EML5: variants seen among roughly 807,000 people sequenced by gnomAD.
EML5 encodes EMAP like 5.
A neutral mutation model predicts 250.0 loss-of-function variants in EML5; 120 were observed. That is an observed-to-expected ratio of 0.48 (90% CI 0.41 to 0.56). The LOEUF is 0.56. Ranked by LOEUF, EML5 falls within the 20% of genes least tolerant of loss-of-function variation. The probability of loss-of-function intolerance (pLI) is 0.00; values close to 1 mark genes in which losing one functional copy is unlikely to be tolerated. For missense variants in EML5, 2,006 were observed against 2,437.6 expected (o/e 0.82, Z 3.73); for synonymous variants, 771 against 806.5 (o/e 0.96, Z 0.75).
intron 20 of EML5, among the ~76,000 whole-genome samples, chr14:88,683,030 A>G (rs770755944): frequency 1.4e-5 from 2 of 138,634 alleles, no homozygotes; most frequent in Non-Finnish European, 3.2e-5. Context: ...TTTACAGCAG[A>G]GTGTGAAAAA....
chr14:88,745,992 C>T (rs769213257), intron 3 of EML5, among the ~76,000 whole-genome samples, 193 bp downstream of exon 3: 2 of 152,060 alleles, frequency 1.3e-5, no homozygotes, highest in Non-Finnish European at 2.9e-5. Flanking sequence ...ATCATGTTTC[C>T]AAGTCCTACA....
chr14:88,646,054 C>T (rs1262696764), intron 29 of EML5, among the ~76,000 whole-genome samples: 1 of 152,120 alleles, frequency 6.6e-6, no homozygotes, highest in Non-Finnish European at 1.5e-5. Context: ...ATCAATCATG[C>T]ACCAATCCCT....
At chr14:88,789,069 TAAA>T (rs879877223) in intron 1 of EML5, among the ~76,000 whole-genome samples, 2 of 137,592 alleles carry the variant, frequency 1.5e-5, no homozygotes, top group Non-Finnish European at 1.6e-5. Context: ...TGTCTCAGTT[TAAA>T]AAAAAAAAAA....
At chr14:88,616,325 A>C in intron 42 of EML5, 83 bp from the exon 43 acceptor site, 18 of 1,336,922 alleles carry the variant, frequency 1.3e-5, no homozygotes, top group Non-Finnish European at 1.7e-5. Flanking sequence ...AATCTCTATG[A>C]CAAGAGCTGT....
intron 7 of EML5, among the ~76,000 whole-genome samples, chr14:88,728,245 T>C (rs2093696940): frequency 6.6e-6 from 1 of 151,928 alleles, no homozygotes; most frequent in South Asian, 2.1e-4. Flanking sequence ...GTATAACAAC[T>C]ATTTACACGG....
In EML5 at chr14:88,658,364, A is replaced by G. The variant is rs1169834263; in HGVS notation, c.3700T>C (p.Tyr1234His). Reference sequence around the variant, plus strand: ...GTGACATGTGTACTATGGGCCACATACCTCTTAAACTTTCCAAATTTCCCC... The same window carrying G: ...GTGACATGTGTACTATGGGCCACATGCCTCTTAAACTTTCCAAATTTCCCC... ...TKGKFGKFKR[Y>H]VAHSTHVTNV... The change falls in exon 26 of 44, where the codon TAT becomes CAT. Residue 1234 changes from tyrosine to histidine, a missense_variant. Transcript: ENST00000554922. The G allele has an allele frequency of 1.2e-6, 2 of 1,600,276 alleles. No homozygotes were observed. The highest frequency in any genetic ancestry group is 1.7e-6 in the Non-Finnish European group (2 of 1,173,524).
intron 33 of EML5, among the ~76,000 whole-genome samples, chr14:88,633,329 A>T (rs533506672): frequency 6.6e-6 from 1 of 152,166 alleles, no homozygotes; most frequent in Non-Finnish European, 1.5e-5. Context: ...GCTGTTGCCC[A>T]GGCTGGACTT....
In EML5 at chr14:88,615,860, A is replaced by G. The variant is rs1464441607; in HGVS notation, c.5898-6T>C. The stretch of plus-strand genomic sequence containing the variant: ...CACATTTCCAGACAAATAAGCTGCA[A>G]TCAGAGAAGAAAATTGCAGGGAGTT... On this transcript the variant is annotated splice_region_variant and splice_polypyrimidine_tract_variant and intron_variant, in intron 43 of 43. Coordinates refer to ENST00000554922, the MANE Select transcript of EML5 (RefSeq NM_183387.3). 10 of 1,610,456 alleles carry G rather than the reference A, an allele frequency of 6.2e-6. No homozygotes were observed. Among genetic ancestry groups the G allele is most frequent in the East Asian group, 4.5e-5 (2 of 44,850 alleles).
At chr14:88,657,648 G>A (rs1334422751) in intron 26 of EML5, 146 bp from the exon 27 acceptor site, 5 of 666,512 alleles carry the variant, frequency 7.5e-6, no homozygotes, top group South Asian at 3.4e-5. Context: ...CAGAAAAAAC[G>A]ATGTAGAAGA....
At chr14:88,686,187 C>T (rs2092827691) in intron 19 of EML5, among the ~76,000 whole-genome samples, 1 of 151,804 alleles carries the variant, frequency 6.6e-6, no homozygotes, top group Non-Finnish European at 1.5e-5. Flanking sequence ...TGTCAAGTAA[C>T]TGGAGGGGGC....
At chr14:88,687,407 T>G in intron 18 of EML5, 80 bp from the exon 19 acceptor site, 1 of 1,009,824 alleles carries the variant, frequency 9.9e-7, no homozygotes, top group Non-Finnish European at 1.4e-6. Context: ...TATTGAAAAC[T>G]TCTAGAAAAA....
rs2087408838 is a variant in EML5, at chr14:88,615,224, GAA to G, written c.*592_*593del. The stretch of plus-strand genomic sequence containing the variant: ...GTTCCTGAATTCAAAACTACTAGGA[GAA>G]AAGTGTCCTTTATAAAAAAGGACCT... On this transcript the variant is annotated 3_prime_UTR_variant, in exon 44 of 44. Coordinates refer to ENST00000554922, the MANE Select transcript of EML5 (RefSeq NM_183387.3). 6.6e-6 allele frequency: 1 copy of G among 152,132 alleles called. No individual in the cohort carries two copies. The highest frequency in any genetic ancestry group is 2.4e-5 in the African/African-American group (1 of 41,428). 9.4% of individuals were successfully genotyped at this position (152,132 alleles called of 1,614,324 possible). A position where few individuals can be genotyped will look rare whatever the true frequency, so the allele number is the denominator to read the frequency against.
At chr14:88,647,687 C>CAAAAAAAAAAAAAAAAAA (rs34191990) in intron 28 of EML5, among the ~76,000 whole-genome samples, 34 of 48,756 alleles carry the variant, frequency 7.0e-4, no homozygotes, top group African/African-American at 2.4e-3. Flanking sequence ...GAGACCGTCT[C>CAAAAAAAAAAAAAAAAAA]AAAAAAAAAA....
Position 88,695,414 on chromosome 14 carries a change from G to A in EML5, c.2385C>T (p.Ser795=). The change falls in exon 16 of 44, where the codon AGC becomes AGT. Residue 795 remains serine, a synonymous_variant. Transcript: ENST00000554922. The part of the protein sequence containing the change: ...KRLASVGIDD[S]HTVVLWDWKK... ...TCCAGTCCCAGAGCACAACAGTATGGCTATCATCTATGCCAACTGATGCCA... is the reference window on the plus strand; with the variant it reads ...TCCAGTCCCAGAGCACAACAGTATGACTATCATCTATGCCAACTGATGCCA... 1 of 1,612,486 alleles carries A rather than the reference G, an allele frequency of 6.2e-7. No homozygotes were observed. The highest frequency in any genetic ancestry group is 1.1e-5 in the South Asian group (1 of 90,706).
chr14:88,709,277 C>G (rs931422646), intron 10 of EML5, among the ~76,000 whole-genome samples: 2 of 151,892 alleles, frequency 1.3e-5, no homozygotes, highest in African/African-American at 4.8e-5. Context: ...AAATTAAGAA[C>G]TGGCCAAGAA....
chr14:88,792,521 C>A lies in EML5; in HGVS notation c.-18G>T. On this transcript the variant is annotated 5_prime_UTR_variant, in exon 1 of 44. Transcript: ENST00000554922. The surrounding 1 kb of genome is among the most constrained non-coding windows in gnomAD (Gnocchi z 6.9). ...GCCGCCATGTCGGGGCGCCCACCCGCCGCTCCCGCTCGGGCCCGCGGCGGC... is the reference window on the plus strand; with the variant it reads ...GCCGCCATGTCGGGGCGCCCACCCGACGCTCCCGCTCGGGCCCGCGGCGGC... The A allele has an allele frequency of 1.5e-6, 2 of 1,336,042 alleles. No individual in the cohort carries two copies. Among genetic ancestry groups the A allele is most frequent in the South Asian group, 2.0e-5 (1 of 48,984 alleles). The allele number at this position is 1,336,042 out of a possible 1,614,324, so 82.8% of individuals were successfully genotyped here. A position where few individuals can be genotyped will look rare whatever the true frequency, so the allele number is the denominator to read the frequency against.
intron 7 of EML5, among the ~76,000 whole-genome samples, chr14:88,729,650 C>T (rs910510253): frequency 2.0e-5 from 3 of 152,076 alleles, no homozygotes; most frequent in Non-Finnish European, 4.4e-5. Flanking sequence ...ACCTCCGCCT[C>T]CCAGGTTCAA....
intron 2 of EML5, among the ~76,000 whole-genome samples, chr14:88,747,905 A>T (rs753169915): frequency 3.3e-5 from 5 of 152,174 alleles, no homozygotes; most frequent in Non-Finnish European, 5.9e-5. Context: ...CCTGCCATAA[A>T]CAGCTAGAAA....
chr14:88,792,240 G>T lies in EML5; in HGVS notation c.197+67C>A. 6.6e-7 allele frequency: 1 copy of T among 1,521,010 alleles called. No homozygotes were observed. Among genetic ancestry groups the T allele is most frequent in the Non-Finnish European group, 8.8e-7 (1 of 1,134,470 alleles). 94.2% of individuals were successfully genotyped at this position (1,521,010 alleles called of 1,614,324 possible). ...GCAGGAGCGGTCACGGCGTCCAGAG[G>T]AACCCGCGGGTGCAAACTCCGGGAG... On this transcript the variant is annotated intron_variant, in intron 1 of 43. Coordinates refer to ENST00000554922, the MANE Select transcript of EML5 (RefSeq NM_183387.3). The surrounding 1 kb of genome is among the most constrained non-coding windows in gnomAD (Gnocchi z 6.9).
Sources: gnomAD v4.1 joint callset for allele counts (sites outside exome capture counted in the v4.1 genomes callset) on GRCh38, gnomAD v4.1.1 for gene constraint, Gnocchi (gnomAD v3.1) non-coding constraint, MANE v1.5 for transcripts, NCBI Gene and HGNC (gene_info 2026-07-23, HGNC 2026-07-21) for gene names.